PHLDB1: variants seen among roughly 807,000 people sequenced by gnomAD.
The protein encoded by PHLDB1 is pleckstrin homology-like domain family B member 1.
A neutral mutation model predicts 139.3 loss-of-function variants in PHLDB1; 65 were observed. The ratio of observed to expected loss-of-function variants is 0.47; its 90% CI spans 0.38 to 0.57. The LOEUF (loss-of-function observed/expected upper bound fraction) is 0.57. PHLDB1 is among the 20% of genes least tolerant of loss of function. The probability of loss-of-function intolerance (pLI) is 0.00; values close to 1 mark genes in which losing one functional copy is unlikely to be tolerated. For missense variants in PHLDB1, 1,624 were observed against 1,839.7 expected, an observed-to-expected ratio of 0.88 and a Z score of 2.14; for synonymous variants, 679 against 734.5, an observed-to-expected ratio of 0.92 and a Z score of 1.22.
intron 20 of PHLDB1, chr11:118,655,334 G>T: frequency 3.2e-6 from 1 of 310,516 alleles, no homozygotes; most frequent in Non-Finnish European, 6.0e-6. Flanking sequence ...CCAAAAGTGT[G>T]CTGTATATTT....
chr11:118,649,438 C>T (rs1217481248), intron 18 of PHLDB1, among the ~76,000 whole-genome samples: 3 of 152,314 alleles, frequency 2.0e-5, no homozygotes, highest in African/African-American at 4.8e-5. Context: ...GCTGCAGTGG[C>T]CACTGGTGTC....
At chr11:118,609,296 TTA>T (rs1939700605) in intron 1 of PHLDB1, among the ~76,000 whole-genome samples, 25 of 47,408 alleles carry the variant, frequency 5.3e-4, no homozygotes, top group African/African-American at 1.4e-3. Context: ...ACAGCCCCAG[TTA>T]CACACACAGC....
intron 10 of PHLDB1, among the ~76,000 whole-genome samples, chr11:118,638,623 A>G (rs1555117309): frequency 1.3e-5 from 2 of 152,056 alleles, no homozygotes; most frequent in African/African-American, 2.4e-5. Context: ...TTTGGGACCC[A>G]TTGGTTGTAG....
At chr11:118,619,068 A>G in intron 4 of PHLDB1, among the ~76,000 whole-genome samples, 1 of 152,110 alleles carries the variant, frequency 6.6e-6, no homozygotes, top group Non-Finnish European at 1.5e-5. Flanking sequence ...CTACAGAGCA[A>G]GGGGTGGAGC....
chr11:118,639,980 T>C, intron 12 of PHLDB1: 5 of 986,068 alleles, frequency 5.1e-6, no homozygotes, highest in Non-Finnish European at 6.0e-6. Context: ...CTGCTTCCAC[T>C]CTTCTCTGCC....
At chr11:118,609,449 C>A (rs377767067) in intron 1 of PHLDB1, among the ~76,000 whole-genome samples, 127 of 144,434 alleles carry the variant, frequency 8.8e-4, no homozygotes, top group African/African-American at 2.9e-3. Flanking sequence ...ACACGCAGCC[C>A]GTCACACAGC....
In PHLDB1 at chr11:118,620,766, G is replaced by A. The variant is rs1018397327; in HGVS notation, c.356-4168G>A. 1.3e-5 allele frequency among the ~76,000 whole-genome samples: 2 copies of A among 152,140 alleles called. No individual in the cohort carries two copies. The highest frequency in any genetic ancestry group is 4.8e-5 in the African/African-American group (2 of 41,420). ...GTGGGGCCGGAAGAGGAGGTGTTTA[G>A]GGTGGAGACAGGAGGTGGGCTGAGT... On this transcript the variant is annotated intron_variant, in intron 4 of 22. Transcript: ENST00000600882. This position sits in a 1 kb window ranked among gnomAD's most constrained non-coding sequence, Gnocchi z 4.1.
At position 118,645,466 on chromosome 11, in the gene PHLDB1, G is replaced by A; in HGVS notation, c.3232G>A (p.Ala1078Thr). Residue 1078 changes from alanine (A) to threonine (T), a missense_variant, in exon 16 of 23, where the codon GCG becomes ACG. Physicochemically the swap from Ala to Thr is moderately conservative, Grantham distance 58. Transcript: ENST00000600882. This position sits in a 1 kb window ranked among gnomAD's most constrained non-coding sequence, Gnocchi z 5.1. ...DALHGAAPFP[A>T]GPSGFPPLMH... ...CCTTCACGGGGCAGCACCCTTCCCA[G>A]CGGGCCCCTCGGGCTTCCCCCCTCT... 6.2e-7 allele frequency: 1 copy of A among 1,609,826 alleles called. No homozygotes were observed.
intron 9 of PHLDB1, 138 bp from the exon 10 acceptor site, chr11:118,635,255 G>C (rs1222494900): frequency 3.0e-6 from 3 of 998,260 alleles, no homozygotes; most frequent in Non-Finnish European, 4.5e-6. Flanking sequence ...AAGTACAGCG[G>C]GAGCTGGGGG....
chr11:118,613,391 TG>T, intron 1 of PHLDB1: 1 of 987,916 alleles, frequency 1.0e-6, no homozygotes, highest in Non-Finnish European at 1.2e-6. Context: ...GCCACCTACC[TG>T]GGGGCCCTCT....
Position 118,641,308 on chromosome 11 carries a change from G to A in PHLDB1, c.2737-946G>A, listed in dbSNP as rs45549334. On this transcript the variant is annotated intron_variant, in intron 12 of 22. Coordinates refer to ENST00000600882, the MANE Select transcript of PHLDB1 (RefSeq NM_001144758.3). Reference sequence around the variant, plus strand: ...AGATTCCCCCTTGGGCCTGGGTGGAGCTAGGGGGACAGAAGGGTCTGTGTT... The same window carrying A: ...AGATTCCCCCTTGGGCCTGGGTGGAACTAGGGGGACAGAAGGGTCTGTGTT... 674 of 159,666 alleles carry A rather than the reference G, an allele frequency of 4.2e-3. 2 individuals carry two copies. Among genetic ancestry groups the A allele is most frequent in the Middle Eastern group, 0.019 (6 of 318 alleles). 9.9% of individuals were successfully genotyped at this position (159,666 alleles called of 1,614,324 possible). A position where few individuals can be genotyped will look rare whatever the true frequency, so the allele number is the denominator to read the frequency against.
upstream of PHLDB1, among the ~76,000 whole-genome samples, chr11:118,606,842 G>A (rs1435724396): frequency 6.6e-6 from 1 of 152,188 alleles, no homozygotes; most frequent in Non-Finnish European, 1.5e-5. Flanking sequence ...TCTATAGCCT[G>A]CCTCCATCTC....
chr11:118,635,594 AC>A (rs1447144156), intron 10 of PHLDB1, 46 bp downstream of exon 10: 2 of 1,446,564 alleles, frequency 1.4e-6, no homozygotes, highest in Non-Finnish European at 1.8e-6. Flanking sequence ...GAGGCCAGTG[AC>A]CTGGGTTTGA....
At position 118,645,350 on chromosome 11, in the gene PHLDB1, C is replaced by T; in HGVS notation, c.3122-6C>T. ...CCACTGTGACTCCCATCTGTCTCTC[C>T]TTCAGGACAACAAGTGATTGAAGAG... is the stretch of plus-strand genomic sequence containing the variant. On this transcript the variant is annotated splice_region_variant and splice_polypyrimidine_tract_variant and intron_variant, in intron 15 of 22. Transcript: ENST00000600882. This position sits in a 1 kb window ranked among gnomAD's most constrained non-coding sequence, Gnocchi z 5.1. 4.6e-6 allele frequency: 7 copies of T among 1,512,692 alleles called. No individual in the cohort carries two copies. The highest frequency in any genetic ancestry group is 6.2e-6 in the Non-Finnish European group (7 of 1,130,080). The allele number at this position is 1,512,692 out of a possible 1,614,324, so 93.7% of individuals were successfully genotyped here. A position where few individuals can be genotyped will look rare whatever the true frequency, so the allele number is the denominator to read the frequency against.
rs1408225240 is a variant in PHLDB1, at chr11:118,610,450, C to T, written c.-22+2751C>T. On this transcript the variant is annotated intron_variant, in intron 1 of 22. Coordinates refer to ENST00000600882, the MANE Select transcript of PHLDB1 (RefSeq NM_001144758.3). The surrounding 1 kb of genome is among the most constrained non-coding windows in gnomAD (Gnocchi z 8.7). ...GCGAAGGCGGCGGCCGAGAGGACCCCAGCTCGGCCTGGCGGGCCTCTGGCC... is the reference window on the plus strand; with the variant it reads ...GCGAAGGCGGCGGCCGAGAGGACCCTAGCTCGGCCTGGCGGGCCTCTGGCC... The T allele has an allele frequency of 2.0e-6, 2 of 985,338 alleles. No homozygotes were observed. Among genetic ancestry groups the T allele is most frequent in the Non-Finnish European group, 2.4e-6 (2 of 829,960 alleles). 61.0% of individuals were successfully genotyped at this position (985,338 alleles called of 1,614,324 possible). A position where few individuals can be genotyped will look rare whatever the true frequency, so the allele number is the denominator to read the frequency against.
chr11:118,628,237 C>T lies in PHLDB1; in HGVS notation c.1414C>T (p.Leu472=), dbSNP rs1555105607. ...PSLSRRALSP[L]PTRTTPDPKL... is the part of the protein sequence containing the mutation. Reference sequence around the variant, plus strand: ...TCTGTCCCGGCGAGCTCTCTCCCCGCTGCCCACCCGGACCACCCCAGATCC... The same window carrying T: ...TCTGTCCCGGCGAGCTCTCTCCCCGTTGCCCACCCGGACCACCCCAGATCC... The change falls in exon 6 of 23, where the codon CTG becomes TTG. Residue 472 remains leucine (L), a synonymous_variant. Coordinates refer to ENST00000600882, the MANE Select transcript of PHLDB1 (RefSeq NM_001144758.3). 2 of 1,614,170 alleles carry T rather than the reference C, an allele frequency of 1.2e-6. No individual in the cohort carries two copies. The highest frequency in any genetic ancestry group is 2.2e-5 in the South Asian group (2 of 91,086).
intron 1 of PHLDB1, chr11:118,613,053 G>C (rs1159154383): frequency 1.3e-5 from 2 of 152,298 alleles, no homozygotes; most frequent in African/African-American, 4.8e-5. Flanking sequence ...TCTGGAATCT[G>C]TCTTACTCCT....
chr11:118,632,154 C>T lies in PHLDB1; in HGVS notation c.2242-5C>T. 6.2e-7 allele frequency: 1 copy of T among 1,613,970 alleles called. No homozygotes were observed. The highest frequency in any genetic ancestry group is 1.1e-5 in the South Asian group (1 of 91,072). On this transcript the variant is annotated splice_region_variant and splice_polypyrimidine_tract_variant and intron_variant, in intron 8 of 22. Coordinates refer to ENST00000600882, the MANE Select transcript of PHLDB1 (RefSeq NM_001144758.3). The surrounding 1 kb of genome is among the most constrained non-coding windows in gnomAD (Gnocchi z 5.9). ...TTTGATGGGGACCCTGGTGTCTGCCCCCAGGCCGAAATGGAGCGGGCACTG... is the reference window on the plus strand; with the variant it reads ...TTTGATGGGGACCCTGGTGTCTGCCTCCAGGCCGAAATGGAGCGGGCACTG...
intron 4 of PHLDB1, among the ~76,000 whole-genome samples, chr11:118,621,211 T>G (rs1464241235): frequency 6.6e-6 from 1 of 152,176 alleles, no homozygotes; most frequent in Non-Finnish European, 1.5e-5. Context: ...CTTTTCTTCC[T>G]GCCCTCGATG....
Sources: allele counts gnomAD v4.1 joint callset (sites outside exome capture counted in the v4.1 genomes callset), GRCh38; gene constraint gnomAD v4.1.1; non-coding constraint Gnocchi (gnomAD v3.1); transcripts MANE v1.5; gene names NCBI Gene and HGNC (gene_info 2026-07-23, HGNC 2026-07-21).